Variants in IMMP2L observed in about 807,000 individuals in gnomAD.
IMMP2L encodes the protein inner mitochondrial membrane peptidase subunit 2, also known as mitochondrial inner membrane protease subunit 2.
A neutral mutation model predicts 19.3 loss-of-function variants in IMMP2L; 18 were observed. The observed-to-expected ratio is 0.93, with a 90% CI of 0.64 to 1.38. IMMP2L has a LOEUF of 1.38. Ranked by LOEUF, IMMP2L falls within the 40% of genes most tolerant of loss-of-function variation. The pLI, the probability that IMMP2L is intolerant of heterozygous loss-of-function variation, is 0.00. For synonymous variants in IMMP2L, 76 were observed against 73.0 expected (o/e 1.04, Z -0.21); for missense variants, 233 against 218.2 (o/e 1.07, Z -0.43).
chr7:111,096,519 A>C (rs74447911), intron 3 of IMMP2L, among the ~76,000 whole-genome samples: 7,164 of 151,146 alleles, frequency 0.047, 232 homozygotes, highest in South Asian at 0.082. Flanking sequence ...AAAAAAAAAA[A>C]AACAAAACAA....
At chr7:111,503,734 A>C (rs1415381059) in intron 2 of IMMP2L, among the ~76,000 whole-genome samples, 1 of 152,168 alleles carries the variant, frequency 6.6e-6, no homozygotes, top group Non-Finnish European at 1.5e-5. Flanking sequence ...TGATTATCTC[A>C]ATAGATGCAG....
intron 3 of IMMP2L, among the ~76,000 whole-genome samples, chr7:111,457,959 AC>A (rs1193622864): frequency 2.0e-5 from 3 of 150,386 alleles, no homozygotes; most frequent in African/African-American, 7.4e-5. Context: ...CTTTGTATCA[AC>A]AAATGTTCGA....
chr7:110,958,802 G>T (rs1049730558), intron 4 of IMMP2L, among the ~76,000 whole-genome samples: 1 of 152,028 alleles, frequency 6.6e-6, no homozygotes, highest in Non-Finnish European at 1.5e-5. Context: ...AGGTAATTCA[G>T]ACATGAGGCA....
chr7:111,011,775 G>A (rs949043837), intron 3 of IMMP2L, among the ~76,000 whole-genome samples: 4 of 152,188 alleles, frequency 2.6e-5, no homozygotes, highest in Non-Finnish European at 5.9e-5. Context: ...TTACTTGTGT[G>A]ATTTTGATAG....
chr7:111,310,956 G>A (rs1483221057), intron 3 of IMMP2L, among the ~76,000 whole-genome samples: 11 of 152,172 alleles, frequency 7.2e-5, no homozygotes, highest in Admixed American at 7.2e-4. Context: ...GCAAGTAGGT[G>A]AGTAAAATGA....
At chr7:111,494,339 G>A (rs1843396925) in intron 2 of IMMP2L, among the ~76,000 whole-genome samples, 1 of 152,140 alleles carries the variant, frequency 6.6e-6, no homozygotes, top group Non-Finnish European at 1.5e-5. Flanking sequence ...CCAAACATCT[G>A]CTCTGGACTG....
At position 111,151,999 on chromosome 7, in the gene IMMP2L, A is replaced by T. The variant is rs147781613; in HGVS notation, c.240-188434T>A. Among the ~76,000 whole-genome samples, 1,463 of 152,244 alleles carry T rather than the reference A, an allele frequency of 9.6e-3. 23 individuals carry two copies. The highest frequency in any genetic ancestry group is 0.033 in the African/African-American group (1,354 of 41,550). ...AAGAGAGTACTGTCGAAGTTTTAGA[A>T]GTGATAATAGTATAATAACTCTGTA... On this transcript the variant is annotated intron_variant, in intron 3 of 5. Coordinates refer to ENST00000405709, the MANE Select transcript of IMMP2L (RefSeq NM_032549.4).
chr7:111,330,269 A>AAATTCATT (rs1825744072), intron 3 of IMMP2L, among the ~76,000 whole-genome samples: 1 of 151,850 alleles, frequency 6.6e-6, no homozygotes, highest in Non-Finnish European at 1.5e-5. Flanking sequence ...CACTGGAAAA[A>AAATTCATT]TAGTAGAAAA....
chr7:111,107,322 C>G (rs1798660639), intron 3 of IMMP2L, among the ~76,000 whole-genome samples: 1 of 151,882 alleles, frequency 6.6e-6, no homozygotes, highest in Non-Finnish European at 1.5e-5. Context: ...ATTACAACGC[C>G]AGCCCTACAG....
chr7:111,541,778 T>C (rs2132972157), intron 1 of IMMP2L, among the ~76,000 whole-genome samples: 2 of 152,236 alleles, frequency 1.3e-5, no homozygotes, highest in East Asian at 3.9e-4. Context: ...TCTACCAGTT[T>C]TGAAAAATAA....
At chr7:111,003,410 G>A (rs1195175334) in intron 3 of IMMP2L, among the ~76,000 whole-genome samples, 2 of 151,974 alleles carry the variant, frequency 1.3e-5, no homozygotes, top group Non-Finnish European at 2.9e-5. Context: ...ATAAAGCCAG[G>A]AGTCATACAA....
intron 5 of IMMP2L, among the ~76,000 whole-genome samples, chr7:110,826,326 C>G (rs765117290): frequency 2.0e-5 from 3 of 152,158 alleles, no homozygotes; most frequent in Non-Finnish European, 2.9e-5. Flanking sequence ...ACCCAGCTAT[C>G]CCATTACCGG....
chr7:110,785,879 T>G (rs534194636), intron 5 of IMMP2L, among the ~76,000 whole-genome samples: 11 of 151,064 alleles, frequency 7.3e-5, no homozygotes, highest in Admixed American at 3.9e-4. Context: ...CATTGATATG[T>G]ATTTTTCTCT....
At chr7:111,462,391 G>C (rs1732206502) in intron 3 of IMMP2L, among the ~76,000 whole-genome samples, 6 of 151,902 alleles carry the variant, frequency 3.9e-5, no homozygotes, top group Admixed American at 3.3e-4. Context: ...AGAAAATTTT[G>C]GTTCAAAGTA....
At position 110,733,991 on chromosome 7, in the gene IMMP2L, A is replaced by G. The variant is rs1386414285; in HGVS notation, c.409-70270T>C. On this transcript the variant is annotated intron_variant, in intron 5 of 5. Transcript: ENST00000405709. ...TACTATGTAGAAATTACCCAATCTA[A>G]AGTATTTTGTTACAGTAGCATGAAT... 6.6e-5 allele frequency among the ~76,000 whole-genome samples: 10 copies of G among 152,236 alleles called. 1 individual carries two copies. Among genetic ancestry groups the G allele is most frequent in the Admixed American group, 6.5e-4 (10 of 15,292 alleles).
intron 2 of IMMP2L, among the ~76,000 whole-genome samples, chr7:111,495,580 T>C: frequency 6.6e-6 from 1 of 152,158 alleles, no homozygotes; most frequent in Non-Finnish European, 1.5e-5. Flanking sequence ...CCTCAAATCA[T>C]ATGACAGGTT....
In IMMP2L at chr7:110,699,917, C is replaced by G. The variant is rs907656853; in HGVS notation, c.409-36196G>C. On this transcript the variant is annotated intron_variant, in intron 5 of 5. Coordinates refer to ENST00000405709, the MANE Select transcript of IMMP2L (RefSeq NM_032549.4). ...ACAGAAAGCATCTCATGGTAAAGACCTAAAGGCAGTCTCTAAGTCCCCAGA... is the reference window on the plus strand; with the variant it reads ...ACAGAAAGCATCTCATGGTAAAGACGTAAAGGCAGTCTCTAAGTCCCCAGA... Among the ~76,000 whole-genome samples the G allele has an allele frequency of 2.0e-5, 3 of 152,066 alleles. No individual in the cohort carries two copies. The East Asian group carries it at 5.8e-4, about 29-fold the overall frequency.
intron 3 of IMMP2L, among the ~76,000 whole-genome samples, chr7:111,441,967 T>C (rs1272221757): frequency 6.6e-6 from 1 of 151,604 alleles, no homozygotes; most frequent in Admixed American, 6.6e-5. Context: ...TGAAACCCTG[T>C]CTCTACTAAA....
chr7:111,383,383 A>G (rs2131249503), intron 3 of IMMP2L, among the ~76,000 whole-genome samples: 1 of 152,226 alleles, frequency 6.6e-6, no homozygotes, highest in East Asian at 1.9e-4. Flanking sequence ...CTGAGTGGTC[A>G]TAATTATTTT....
Sources: allele counts gnomAD v4.1 joint callset (sites outside exome capture counted in the v4.1 genomes callset), GRCh38; gene constraint gnomAD v4.1.1; transcripts MANE v1.5; gene names NCBI Gene and HGNC (gene_info 2026-07-23, HGNC 2026-07-21).